IFI30: variants seen among roughly 807,000 people sequenced by gnomAD.
The protein encoded by IFI30 is IFI30 lysosomal thiol reductase, also known as gamma-interferon-inducible lysosomal thiol reductase.
IFI30 carries 26 observed loss-of-function variants against 30.1 expected under a neutral mutation model. That is an observed-to-expected ratio of 0.87 (90% confidence interval 0.63 to 1.20). The LOEUF (loss-of-function observed/expected upper bound fraction) is 1.20. Ranked by LOEUF, IFI30 falls within the 50% of genes most tolerant of loss-of-function variation. The pLI is 0.00. For synonymous variants in IFI30, 149 were observed against 134.5 expected (o/e 1.11, Z -0.75); for missense variants, 296 against 312.5 (o/e 0.95, Z 0.40).
At chr19:18,175,259 G>T (rs775667220) in intron 2 of IFI30, 37 bp downstream of exon 2, 4 of 1,574,820 alleles carry the variant, frequency 2.5e-6, no homozygotes, top group Non-Finnish European at 3.4e-6. Flanking sequence ...CACGTGGGCA[G>T]GGGAGCAGGG....
chr19:18,174,100 G>T (rs1001072455), intron 1 of IFI30, 127 bp downstream of exon 1: 6 of 938,200 alleles, frequency 6.4e-6, no homozygotes, highest in African/African-American at 1.7e-5. Flanking sequence ...TCCCTGCCGG[G>T]TTCCTGGAAA....
At chr19:18,174,492 GC>G (rs1421466284) in intron 1 of IFI30, 1 of 158,708 alleles carries the variant, frequency 6.3e-6, no homozygotes, top group African/African-American at 2.4e-5. Context: ...ATTAGGTGCC[GC>G]CTCTATTCAG....
Position 18,175,061 on chromosome 19 carries a change from G to T in IFI30, c.154G>T (p.Gly52Trp). The change falls in exon 2 of 7, where the codon GGG becomes TGG. Residue 52 changes from glycine (G) to tryptophan (W), a missense_variant. Coordinates refer to ENST00000407280, the MANE Select transcript of IFI30 (RefSeq NM_006332.5). The part of the protein sequence containing the change: ...NYKTGNLYLR[G>W]PLKKSNAPLV... The stretch of plus-strand genomic sequence containing the variant: ...ACAGACAGGCAATCTATACCTGCGG[G>T]GGCCCCTGAAGAAGTCCAATGCACC... The T allele has an allele frequency of 6.2e-7, 1 of 1,613,702 alleles. No homozygotes were observed. The highest frequency in any genetic ancestry group is 8.5e-7 in the Non-Finnish European group (1 of 1,179,798).
chr19:18,175,171 G>A lies in IFI30; in HGVS notation c.264G>A (p.Leu88=), dbSNP rs59589815. 355 of 1,603,984 alleles carry A rather than the reference G, an allele frequency of 2.2e-4. No individual in the cohort carries two copies. The African/African-American group carries it at 4.3e-3, about 19-fold the overall frequency. ...FLIRELFPTW[L]LVMEILNVTL... The stretch of plus-strand genomic sequence containing the variant: ...TCCGGGAGCTCTTCCCAACATGGCT[G>A]TTGGTCATGGAGATCCTCAATGTCA... Residue 88 remains leucine, a synonymous_variant, in exon 2 of 7, where the codon CTG becomes CTA. Coordinates refer to ENST00000407280, the MANE Select transcript of IFI30 (RefSeq NM_006332.5).
At chr19:18,174,214 C>T (rs1967235877) in intron 1 of IFI30, 1 of 476,444 alleles carries the variant, frequency 2.1e-6, no homozygotes, top group Admixed American at 3.9e-5. Flanking sequence ...CCTAGTCCCG[C>T]CCAAGGGTTC....
intron 4 of IFI30, among the ~76,000 whole-genome samples, chr19:18,176,461 T>C (rs1426829347): frequency 1.3e-5 from 2 of 152,110 alleles, no homozygotes; most frequent in African/African-American, 4.8e-5. Flanking sequence ...GCCTCCCCTC[T>C]TGAAGCCTCC....
At position 18,176,141 on chromosome 19, in the gene IFI30, C is replaced by CTTTTT. The variant is rs71336666; in HGVS notation, c.483+471_483+475dup. On this transcript the variant is annotated intron_variant, in intron 4 of 6. Transcript: ENST00000407280. Reference sequence around the variant, plus strand: ...CAGGCGTGAGCCACCGCACCCAGCCCTTTTTTTTTTTTTTTTTTTTTTTTT... The same window carrying CTTTTT: ...CAGGCGTGAGCCACCGCACCCAGCCCTTTTTTTTTTTTTTTTTTTTTTTTTTTTTT... 5.1e-4 allele frequency among the ~76,000 whole-genome samples: 29 copies of CTTTTT among 56,456 alleles called. 1 individual carries two copies. The highest frequency in any genetic ancestry group is 1.7e-3 in the African/African-American group (22 of 13,294). 37.0% of individuals were successfully genotyped at this position (56,456 alleles called of 152,430 possible).
rs1297158942 is a variant in IFI30, at chr19:18,175,647, A to G, written c.433A>G (p.Thr145Ala). 1 of 1,610,732 alleles carries G rather than the reference A, an allele frequency of 6.2e-7. No individual in the cohort carries two copies. Among genetic ancestry groups the G allele is most frequent in the East Asian group, 2.2e-5 (1 of 44,810 alleles). ...ACTTGACATGGAGCTAGCCTTCCTG[A>G]CCATTGTCTGCATGGAAGAGTTTGA... ...DELDMELAFL[T>A]IVCMEEFEDM... The change falls in exon 4 of 7, where the codon ACC (threonine) becomes GCC (alanine). Residue 145 changes from threonine (T) to alanine (A), a missense_variant. Thr to Ala is a moderately conservative substitution (Grantham distance 58). Transcript: ENST00000407280.
In IFI30 at chr19:18,177,965, G is replaced by A; in HGVS notation, c.*54G>A. ...AAGGCGAGTGGGAACCCGGCTGCCT[G>A]CCTTTTTTTCTGATCCAGACCCTCG... On this transcript the variant is annotated 3_prime_UTR_variant, in exon 7 of 7. Transcript: ENST00000407280. The A allele has an allele frequency of 6.5e-7, 1 of 1,541,804 alleles. No individual in the cohort carries two copies. The highest frequency in any genetic ancestry group is 8.8e-7 in the Non-Finnish European group (1 of 1,139,130).
intron 1 of IFI30, chr19:18,174,230 G>A (rs1026714386): frequency 7.0e-6 from 3 of 430,534 alleles, no homozygotes; most frequent in East Asian, 4.3e-5. Context: ...GGTTCAATGA[G>A]CGCCTACTGT....
chr19:18,173,819 G>C lies in IFI30; in HGVS notation c.-23G>C. 1 of 1,523,946 alleles carries C rather than the reference G, an allele frequency of 6.6e-7. No individual in the cohort carries two copies. Among genetic ancestry groups the C allele is most frequent in the East Asian group, 2.5e-5 (1 of 39,476 alleles). 94.4% of individuals were successfully genotyped at this position (1,523,946 alleles called of 1,614,324 possible). A position where few individuals can be genotyped will look rare whatever the true frequency, so the allele number is the denominator to read the frequency against. On this transcript the variant is annotated 5_prime_UTR_variant, in exon 1 of 7. Coordinates refer to ENST00000407280, the MANE Select transcript of IFI30 (RefSeq NM_006332.5). ...TATTTCCCAGGCAGCCGCTGCAGTC[G>C]CCACACCTTTGCCCCTGCTGCGATG...
rs1020973133 is a variant in IFI30 at position 18,175,153 on chromosome 19, G to A, written c.246G>A (p.Glu82=). The change falls in exon 2 of 7, where the codon GAG becomes GAA. Residue 82 remains glutamate (E), a synonymous_variant. Coordinates refer to ENST00000407280, the MANE Select transcript of IFI30 (RefSeq NM_006332.5). The part of the protein sequence containing the change: ...CGGCRAFLIR[E]LFPTWLLVME... ...GCTGCCGAGCCTTCCTGATCCGGGAGCTCTTCCCAACATGGCTGTTGGTCA... is the reference window on the plus strand; with the variant it reads ...GCTGCCGAGCCTTCCTGATCCGGGAACTCTTCCCAACATGGCTGTTGGTCA... 6.2e-7 allele frequency: 1 copy of A among 1,609,536 alleles called. No individual in the cohort carries two copies. Among genetic ancestry groups the A allele is most frequent in the African/African-American group, 1.3e-5 (1 of 74,856 alleles).
chr19:18,177,222 A>C lies in IFI30; in HGVS notation c.566A>C (p.His189Pro). ...GGGGACCGCGGCATGCAGCTCATGC[A>C]CGCCAACGCCCAGCGGACAGATGCT... ...AMGDRGMQLM[H>P]ANAQRTDALQ... The change falls in exon 5 of 7, where the codon CAC becomes CCC. Residue 189 changes from histidine (H) to proline (P), a missense_variant. Transcript: ENST00000407280. 1 of 1,588,706 alleles carries C rather than the reference A, an allele frequency of 6.3e-7. No individual in the cohort carries two copies. The highest frequency in any genetic ancestry group is 1.1e-5 in the South Asian group (1 of 87,134).
chr19:18,176,714 G>A (rs991176584), intron 4 of IFI30, among the ~76,000 whole-genome samples: 1 of 152,124 alleles, frequency 6.6e-6, no homozygotes, highest in Non-Finnish European at 1.5e-5. Flanking sequence ...AAACATCCGG[G>A]TCACCCAAGA....
In IFI30 at chr19:18,175,359, G is replaced by T. The variant is rs750993043; in HGVS notation, c.364G>T (p.Glu122Ter). 4.4e-6 allele frequency: 7 copies of T among 1,592,956 alleles called. No homozygotes were observed. The highest frequency in any genetic ancestry group is 2.3e-5 in the South Asian group (2 of 87,744). The change falls in exon 3 of 7, where the codon GAG (glutamate) becomes TAG (stop). Residue 122 changes from glutamate to a stop codon, truncating the protein, a stop_gained. Transcript: ENST00000407280. LOFTEE classifies it high-confidence loss of function. ...GGAGTTCAAGTGCCAGCATGGAGAA[G>T]AGGAGTGCAAATTCAACAAGGTGGA... The part of the protein sequence containing the change: ...RWEFKCQHGE[E>*]ECKFNKVEAC...
At position 18,177,205 on chromosome 19, in the gene IFI30, C is replaced by A; in HGVS notation, c.549C>A (p.Arg183=). 1 of 1,587,422 alleles carries A rather than the reference C, an allele frequency of 6.3e-7. No homozygotes were observed. ...TCATGGAGTGTGCAATGGGGGACCG[C>A]GGCATGCAGCTCATGCACGCCAACG... The part of the protein sequence containing the change: ...DTIMECAMGD[R]GMQLMHANAQ... Residue 183 remains arginine, a synonymous_variant, in exon 5 of 7, where the codon CGC becomes CGA. Coordinates refer to ENST00000407280, the MANE Select transcript of IFI30 (RefSeq NM_006332.5).
intron 5 of IFI30, 22 bp from the exon 6 acceptor site, chr19:18,177,689 A>G (rs1285251209): frequency 6.2e-7 from 1 of 1,612,746 alleles, no homozygotes; most frequent in Admixed American, 1.7e-5. Flanking sequence ...GGAATATGCG[A>G]CCCCTGTCTT....
rs749642774 is a variant in IFI30 at position 18,177,717 on chromosome 19, T to A, written c.643T>A (p.Leu215Met). The change falls in exon 6 of 7, where the codon TTG (leucine) becomes ATG (methionine). Residue 215 changes from leucine (L) to methionine (M), a missense_variant. Transcript: ENST00000407280. ...VPWVTVNGKP[L>M]EDQTQLLTLV... ...CCTGTCTTGCTTTGTGCAGAAACCC[T>A]TGGAAGATCAGACCCAGCTCCTTAC... The A allele has an allele frequency of 6.2e-7, 1 of 1,613,850 alleles. No individual in the cohort carries two copies. The highest frequency in any genetic ancestry group is 8.5e-7 in the Non-Finnish European group (1 of 1,179,852).
Position 18,175,058 on chromosome 19 carries a change from CG to C in IFI30, c.156del (p.Leu54Ter). 6.2e-7 allele frequency: 1 copy of C among 1,613,594 alleles called. No homozygotes were observed. The highest frequency in any genetic ancestry group is 8.5e-7 in the Non-Finnish European group (1 of 1,179,694). On this transcript the variant is annotated frameshift_variant, in exon 2 of 7. Coordinates refer to ENST00000407280, the MANE Select transcript of IFI30 (RefSeq NM_006332.5). LOFTEE classifies it high-confidence loss of function. ...VNYKTGNLYL[R>X]GPLKKSNAPL... is the part of the protein sequence containing the mutation. ...TCCACAGACAGGCAATCTATACCTG[CG>C]GGGGCCCCTGAAGAAGTCCAATGCA...
Sources: allele counts gnomAD v4.1 joint callset (sites outside exome capture counted in the v4.1 genomes callset), GRCh38; gene constraint gnomAD v4.1.1; transcripts MANE v1.5; gene names NCBI Gene and HGNC (gene_info 2026-07-23, HGNC 2026-07-21).